Variants in ERCC6 observed in about 807,000 individuals in gnomAD.
The protein encoded by ERCC6 is ERCC excision repair 6, chromatin remodeling factor.
ERCC6 carries 116 observed loss-of-function variants against 158.7 expected under a neutral mutation model. The ratio of observed to expected loss-of-function variants is 0.73; its 90% CI spans 0.63 to 0.85. ERCC6 has a LOEUF of 0.85. Ranked by LOEUF, ERCC6 falls within the 40% of genes least tolerant of loss-of-function variation. The pLI is 0.00. For synonymous variants in ERCC6, 678 were observed against 659.3 expected (o/e 1.03, Z -0.43); for missense variants, 1,698 against 1,799.4 (o/e 0.94, Z 1.02).
At chr10:49,450,158 C>T (rs1440436642), downstream of ERCC6, among the ~76,000 whole-genome samples, 2 of 152,236 alleles carry the variant, frequency 1.3e-5, no homozygotes, top group Admixed American at 1.3e-4. Context: ...CATGGGCCGT[C>T]ATACCCAGCC....
rs1850471041 is a variant in ERCC6 at position 49,455,550 on chromosome 10, C to T, written c.*3265G>A. 6.6e-6 allele frequency: 1 copy of T among 152,146 alleles called. No homozygotes were observed. The highest frequency in any genetic ancestry group is 1.9e-4 in the East Asian group (1 of 5,186). The allele number at this position is 152,146 out of a possible 1,614,324, so 9.4% of individuals were successfully genotyped here. A position where few individuals can be genotyped will look rare whatever the true frequency, so the allele number is the denominator to read the frequency against. On this transcript the variant is annotated 3_prime_UTR_variant, in exon 21 of 21. Transcript: ENST00000355832. ...AGGAGTGTGGTTGGTAGAACCAACA[C>T]CTGGATCCACAGGACAGAAATAGAC...
At chr10:49,502,589 G>C (rs1239043418) in intron 6 of ERCC6, 4 of 152,144 alleles carry the variant, frequency 2.6e-5, no homozygotes, top group African/African-American at 9.7e-5. Context: ...CTTGCCAAAG[G>C]TGACATCGCT....
At chr10:49,453,671 T>G (rs1039587905), downstream of ERCC6, among the ~76,000 whole-genome samples, 6 of 152,224 alleles carry the variant, frequency 3.9e-5, no homozygotes, top group African/African-American at 1.4e-4. Flanking sequence ...ATTAGGCAGG[T>G]TGGTTAACAA....
the ERCC6 span, among the ~76,000 whole-genome samples, chr10:49,447,425 C>T: frequency 1.6e-4 from 25 of 152,260 alleles, no homozygotes; most frequent in South Asian, 3.1e-3. Flanking sequence ...TGGTGGCTCA[C>T]GCCTGTAATC....
intron 8 of ERCC6, among the ~76,000 whole-genome samples, chr10:49,491,611 C>T (rs1406242870): frequency 2.6e-5 from 4 of 152,164 alleles, no homozygotes; most frequent in Non-Finnish European, 5.9e-5. Flanking sequence ...AATTTACTGT[C>T]AATTCTATTT....
In ERCC6 at chr10:49,528,529, G is replaced by C; in HGVS notation, c.544-4C>G. On this transcript the variant is annotated splice_region_variant and splice_polypyrimidine_tract_variant and intron_variant, in intron 3 of 20. Transcript: ENST00000355832. ...TGATCTTTTTTAGCTGTTGTTCCTT[G>C]AATGGTAAATATAGAAGACAGAAAA... 6.2e-7 allele frequency: 1 copy of C among 1,614,062 alleles called. No homozygotes were observed. Among genetic ancestry groups the C allele is most frequent in the South Asian group, 1.1e-5 (1 of 91,076 alleles).
chr10:49,481,091 G>A (rs1186991942), intron 10 of ERCC6, among the ~76,000 whole-genome samples: 1 of 152,204 alleles, frequency 6.6e-6, no homozygotes, highest in Non-Finnish European at 1.5e-5. Context: ...GGGATTTGGA[G>A]AAAGGGGCAT....
chr10:49,500,499 T>C lies in ERCC6; in HGVS notation c.1685+39A>G, dbSNP rs375621750. ...GCAATACATCTGATGAAATATTAAT[T>C]GAGCTCCACAGACTGACAGTCTGCA... On this transcript the variant is annotated intron_variant, in intron 7 of 20. Transcript: ENST00000355832. The C allele has an allele frequency of 1.1e-4, 184 of 1,605,000 alleles. 1 individual carries two copies. Among genetic ancestry groups the C allele is most frequent in the Non-Finnish European group, 1.6e-4 (182 of 1,172,856 alleles).
At chr10:49,493,385 A>G in intron 7 of ERCC6, 133 bp from the exon 8 acceptor site, 3 of 1,149,810 alleles carry the variant, frequency 2.6e-6, no homozygotes, top group South Asian at 1.4e-5. Context: ...AAATTTATTG[A>G]TATTTTCTTT....
At chr10:49,485,558 A>C (rs1242290621) in intron 8 of ERCC6, among the ~76,000 whole-genome samples, 1 of 152,200 alleles carries the variant, frequency 6.6e-6, no homozygotes, top group Non-Finnish European at 1.5e-5. Flanking sequence ...AGTTTCATAA[A>C]AGCTGGATTG....
chr10:49,457,516 C>A lies in ERCC6; in HGVS notation c.*1299G>T, dbSNP rs1326678854. ...GCCCAGAACCCTCCTCTCTGAGTCA[C>A]ATGGATGAGCAGACAGAAGATCTGG... On this transcript the variant is annotated 3_prime_UTR_variant, in exon 21 of 21. Coordinates refer to ENST00000355832, the MANE Select transcript of ERCC6 (RefSeq NM_000124.4). 1 of 152,152 alleles carries A rather than the reference C, an allele frequency of 6.6e-6. No homozygotes were observed. The highest frequency in any genetic ancestry group is 2.4e-5 in the African/African-American group (1 of 41,418). 9.4% of individuals were successfully genotyped at this position (152,152 alleles called of 1,614,324 possible).
intron 5 of ERCC6, chr10:49,517,195 A>G: frequency 6.6e-7 from 1 of 1,504,730 alleles, no homozygotes; most frequent in Non-Finnish European, 8.9e-7. Flanking sequence ...GGAACATGAA[A>G]AATGTCAAAC....
intron 1 of ERCC6, among the ~76,000 whole-genome samples, chr10:49,538,424 G>A (rs1305587477): frequency 2.0e-5 from 3 of 152,176 alleles, no homozygotes; most frequent in Non-Finnish European, 4.4e-5. Flanking sequence ...ATGGATTGGA[G>A]GAGACAAAGC....
chr10:49,476,939 T>A (rs920427494), intron 11 of ERCC6, among the ~76,000 whole-genome samples: 1 of 152,148 alleles, frequency 6.6e-6, no homozygotes, highest in African/African-American at 2.4e-5. Flanking sequence ...ATCTTCCCTG[T>A]AAACATCCAA....
intron 6 of ERCC6, chr10:49,505,460 AT>A (rs1312106565): frequency 2.4e-5 from 4 of 166,354 alleles, no homozygotes; most frequent in African/African-American, 9.6e-5. Flanking sequence ...CTCAAAAAAA[AT>A]GTCAAAAGTT....
At chr10:49,491,708 G>A (rs142981983) in intron 8 of ERCC6, among the ~76,000 whole-genome samples, 1 of 152,174 alleles carries the variant, frequency 6.6e-6, no homozygotes, top group Non-Finnish European at 1.5e-5. Context: ...CATGATCCAG[G>A]TGAAGGTGTC....
At chr10:49,517,956 G>A (rs1021702319) in intron 5 of ERCC6, among the ~76,000 whole-genome samples, 2 of 152,188 alleles carry the variant, frequency 1.3e-5, no homozygotes, top group African/African-American at 2.4e-5. Context: ...CAGATTTTGG[G>A]AGAGTTTTGT....
At chr10:49,513,003 C>A (rs917320962) in intron 5 of ERCC6, among the ~76,000 whole-genome samples, 2 of 152,216 alleles carry the variant, frequency 1.3e-5, no homozygotes, top group African/African-American at 4.8e-5. Flanking sequence ...CCCTCCTTCA[C>A]GGTTCTCACA....
At chr10:49,533,203 T>C (rs1284491557) in intron 1 of ERCC6, among the ~76,000 whole-genome samples, 1 of 152,128 alleles carries the variant, frequency 6.6e-6, no homozygotes, top group African/African-American at 2.4e-5. Context: ...TGCAGTATCA[T>C]CAACAAAGGA....
Sources: allele counts gnomAD v4.1 joint callset (sites outside exome capture counted in the v4.1 genomes callset), GRCh38; gene constraint gnomAD v4.1.1; transcripts MANE v1.5; gene names NCBI Gene and HGNC (gene_info 2026-07-23, HGNC 2026-07-21).